The following PDE11A variants were observed in gnomAD, a reference collection of about 807,000 sequenced individuals.
PDE11A encodes phosphodiesterase 11A.
Under a neutral mutation model 100.5 loss-of-function variants are expected in PDE11A, and 100 were observed. The observed-to-expected ratio is 1.00, with a 90% CI of 0.85 to 1.18. The LOEUF (loss-of-function observed/expected upper bound fraction) is 1.18, where lower values mean the gene tolerates loss of function less well. PDE11A is among the 50% of genes most tolerant of loss of function. The pLI is 0.00. For synonymous variants in PDE11A, 381 were observed against 420.8 expected (o/e 0.91, Z 1.16); for missense variants, 1,141 against 1,152.6 (o/e 0.99, Z 0.15).
upstream of PDE11A, among the ~76,000 whole-genome samples, chr2:178,076,051 CA>C (rs555113227): frequency 1.2e-4 from 18 of 152,238 alleles, no homozygotes; most frequent in East Asian, 3.5e-3. Flanking sequence ...CACAAACTAT[CA>C]TACCAGAAAA....
rs181550953 is a variant in PDE11A, at chr2:178,021,151, G to C, written c.913-6691C>G. 1.3e-3 allele frequency among the ~76,000 whole-genome samples: 205 copies of C among 151,968 alleles called. 1 individual carries two copies. The highest frequency in any genetic ancestry group is 0.01 in the Middle Eastern group (3 of 292). On this transcript the variant is annotated intron_variant, in intron 1 of 19. Transcript: ENST00000286063. ...TAATTTTGTGTTTTTAGTAGAGATG[G>C]GGGTTTCACCATGTTGGCCAGGCTG...
chr2:177,773,997 G>A (rs191028750), intron 9 of PDE11A, among the ~76,000 whole-genome samples: 1 of 152,228 alleles, frequency 6.6e-6, no homozygotes, highest in African/African-American at 2.4e-5. Context: ...TGGTCCCATA[G>A]GATTTTCTGG....
intron 4 of PDE11A, among the ~76,000 whole-genome samples, chr2:177,885,485 C>T (rs2084416520): frequency 6.6e-6 from 1 of 151,950 alleles, no homozygotes; most frequent in South Asian, 2.1e-4. Context: ...GTGTATATAA[C>T]AATAATAGTT....
At chr2:178,090,351 T>C (rs748735080) in intron 2 of PDE11A, among the ~76,000 whole-genome samples, 3 of 152,240 alleles carry the variant, frequency 2.0e-5, no homozygotes, top group Admixed American at 6.5e-5. Flanking sequence ...ACAAGAAACA[T>C]TGCTATCGGC....
chr2:177,846,868 A>C (rs1446482323), intron 5 of PDE11A, among the ~76,000 whole-genome samples: 1 of 152,180 alleles, frequency 6.6e-6, no homozygotes, highest in Non-Finnish European at 1.5e-5. Flanking sequence ...CAGTGACAGG[A>C]AACTCACTAC....
At chr2:177,850,349 T>C (rs1043641665) in intron 5 of PDE11A, among the ~76,000 whole-genome samples, 1 of 152,150 alleles carries the variant, frequency 6.6e-6, no homozygotes, top group African/African-American at 2.4e-5. Context: ...AAGCTGAAAC[T>C]GGATCCCTTC....
chr2:177,969,643 T>G (rs2085744587), intron 2 of PDE11A, among the ~76,000 whole-genome samples: 1 of 151,862 alleles, frequency 6.6e-6, no homozygotes, highest in African/African-American at 2.4e-5. Flanking sequence ...AGTAAGCCTC[T>G]CCCTATAAAT....
intron 10 of PDE11A, among the ~76,000 whole-genome samples, chr2:177,732,909 G>T (rs1336427101): frequency 6.6e-6 from 1 of 152,118 alleles, no homozygotes; most frequent in East Asian, 1.9e-4. Context: ...TGAGAAGTCT[G>T]GGTAGTTTTC....
At chr2:177,987,859 T>C (rs2085958433) in intron 2 of PDE11A, among the ~76,000 whole-genome samples, 1 of 152,246 alleles carries the variant, frequency 6.6e-6, no homozygotes, top group Admixed American at 6.5e-5. Context: ...TTTCAATGGC[T>C]CCAGAACATT....
At chr2:177,840,777 C>T (rs776612471) in intron 5 of PDE11A, among the ~76,000 whole-genome samples, 2 of 152,044 alleles carry the variant, frequency 1.3e-5, no homozygotes, top group Non-Finnish European at 2.9e-5. Flanking sequence ...AAGAATGAAA[C>T]CCAAGTAGGG....
At chr2:177,702,310 G>A (rs1196275922) in intron 13 of PDE11A, among the ~76,000 whole-genome samples, 2 of 88,054 alleles carry the variant, frequency 2.3e-5, no homozygotes, top group Non-Finnish European at 4.6e-5. Flanking sequence ...GTGAGACTCC[G>A]TCTCAAAAAA....
intron 19 of PDE11A, among the ~76,000 whole-genome samples, chr2:177,633,167 G>A (rs573259230): frequency 1.3e-5 from 2 of 152,330 alleles, no homozygotes; most frequent in East Asian, 3.9e-4. Flanking sequence ...TAAACACCTT[G>A]CAGGTGCATC....
chr2:177,881,242 G>A (rs182617400), intron 4 of PDE11A, among the ~76,000 whole-genome samples: 2 of 152,248 alleles, frequency 1.3e-5, no homozygotes, highest in African/African-American at 4.8e-5. Flanking sequence ...TGGTTCTCTA[G>A]CTTGCAGACA....
intron 1 of PDE11A, among the ~76,000 whole-genome samples, chr2:178,024,822 A>G (rs1042918981): frequency 6.6e-6 from 1 of 152,200 alleles, no homozygotes; most frequent in Admixed American, 6.5e-5. Context: ...TCATCTCCTT[A>G]CACTTATGAC....
In PDE11A at chr2:178,071,602, T is replaced by G. The variant is rs758797364; in HGVS notation, c.836A>C (p.Gln279Pro). The G allele has an allele frequency of 6.2e-7, 1 of 1,613,886 alleles. No individual in the cohort carries two copies. The highest frequency in any genetic ancestry group is 1.3e-5 in the African/African-American group (1 of 75,042). The change falls in exon 1 of 20, where the codon CAG (glutamine) becomes CCG (proline). Residue 279 changes from glutamine (Q) to proline (P), a missense_variant. Gln to Pro is a moderately conservative substitution (Grantham distance 76). Coordinates refer to ENST00000286063, the MANE Select transcript of PDE11A (RefSeq NM_016953.4). ...CSSTENSNEV[Q>P]VPWGKGIIGY... Reference sequence around the variant, plus strand: ...AATGATACCTTTGCCCCAGGGGACCTGCACCTCATTTGAGTTCTCTGTGCT... The same window carrying G: ...AATGATACCTTTGCCCCAGGGGACCGGCACCTCATTTGAGTTCTCTGTGCT...
intron 9 of PDE11A, among the ~76,000 whole-genome samples, chr2:177,806,828 A>G (rs1054993230): frequency 6.6e-6 from 1 of 152,114 alleles, no homozygotes; most frequent in Non-Finnish European, 1.5e-5. Context: ...GATATAATTA[A>G]TAACAGTTGG....
At chr2:178,059,566 T>C (rs1321635186) in intron 1 of PDE11A, among the ~76,000 whole-genome samples, 1 of 152,204 alleles carries the variant, frequency 6.6e-6, no homozygotes, top group African/African-American at 2.4e-5. Context: ...CTATAAATTA[T>C]GTAGCTGGGT....
At chr2:177,947,866 T>C (rs561008327) in intron 2 of PDE11A, among the ~76,000 whole-genome samples, 1 of 152,086 alleles carries the variant, frequency 6.6e-6, no homozygotes, top group African/African-American at 2.4e-5. Context: ...TCATTACAAA[T>C]TTGAAAAACA....
At chr2:177,701,278 C>A in intron 13 of PDE11A, 67 bp from the exon 14 acceptor site, 1 of 812,610 alleles carries the variant, frequency 1.2e-6, no homozygotes, top group South Asian at 1.4e-5. Context: ...CTTTTTGGAT[C>A]AAACTGCTTT....
Sources: gnomAD v4.1 joint callset for allele counts (sites outside exome capture counted in the v4.1 genomes callset) on GRCh38, gnomAD v4.1.1 for gene constraint, MANE v1.5 for transcripts, NCBI Gene and HGNC (gene_info 2026-07-23, HGNC 2026-07-21) for gene names.